STK3: variants seen among roughly 807,000 people sequenced by gnomAD.
STK3 encodes the protein serine/threonine-protein kinase 3.
Under a neutral mutation model 58.0 loss-of-function variants are expected in STK3, and 41 were observed. That is an observed-to-expected ratio of 0.71 (90% confidence interval 0.55 to 0.92). The LOEUF is 0.92. Ranked by LOEUF, STK3 falls within the 40% of genes least tolerant of loss-of-function variation. The pLI is 0.00. For synonymous variants in STK3, 170 were observed against 191.0 expected (o/e 0.89, Z 0.91); for missense variants, 479 against 602.7 (o/e 0.79, Z 2.15).
At chr8:98,937,679 T>C (rs1840245152) in intron 1 of STK3, among the ~76,000 whole-genome samples, 1 of 152,252 alleles carries the variant, frequency 6.6e-6, no homozygotes, top group South Asian at 2.1e-4. Context: ...AAAGGAATTG[T>C]ATGTGCCTTA....
intron 1 of STK3, among the ~76,000 whole-genome samples, chr8:98,933,937 G>T (rs1257574844): frequency 1.3e-5 from 2 of 152,214 alleles, no homozygotes; most frequent in Non-Finnish European, 2.9e-5. Flanking sequence ...AATTTTAAAT[G>T]GTAATTAAGT....
At chr8:98,716,152 G>A (rs962894483) in intron 4 of STK3, among the ~76,000 whole-genome samples, 4 of 152,242 alleles carry the variant, frequency 2.6e-5, no homozygotes, top group African/African-American at 9.6e-5. Flanking sequence ...GGGGAGTGGG[G>A]AGCGATAGCA....
At chr8:98,904,458 C>T in intron 1 of STK3, 1 of 361,084 alleles carries the variant, frequency 2.8e-6, no homozygotes, top group South Asian at 2.3e-5. Context: ...AGAAAGAAAA[C>T]ATAGTTGGTC....
At chr8:98,857,581 A>G (rs1836729569) in intron 3 of STK3, among the ~76,000 whole-genome samples, 1 of 152,244 alleles carries the variant, frequency 6.6e-6, no homozygotes, top group South Asian at 2.1e-4. Context: ...TTGTTTAGAG[A>G]AGTATGCTAG....
At chr8:98,628,122 A>G (rs561167863) in intron 6 of STK3, among the ~76,000 whole-genome samples, 1 of 152,340 alleles carries the variant, frequency 6.6e-6, no homozygotes, top group South Asian at 2.1e-4. Context: ...CAGTAATGCA[A>G]CAACTCTACA....
At chr8:98,443,560 A>G (rs1178045451) in intron 1 of STK3, among the ~76,000 whole-genome samples, 2 of 152,186 alleles carry the variant, frequency 1.3e-5, no homozygotes, top group East Asian at 3.9e-4. Flanking sequence ...AGGCTTCTTA[A>G]CCATAGGCTG....
chr8:98,618,600 A>G (rs1254267439), intron 6 of STK3, among the ~76,000 whole-genome samples: 1 of 146,982 alleles, frequency 6.8e-6, no homozygotes, highest in Non-Finnish European at 1.5e-5. Flanking sequence ...TAAGCTGATA[A>G]GCAACTTCAG....
chr8:98,809,820 A>T (rs376673852), intron 1 of STK3, among the ~76,000 whole-genome samples: 15 of 152,156 alleles, frequency 9.9e-5, no homozygotes, highest in South Asian at 4.1e-4. Context: ...ATATCTTGAG[A>T]CCCTGCTTTC....
intron 1 of STK3, among the ~76,000 whole-genome samples, chr8:98,816,223 A>G (rs1478590713): frequency 1.3e-5 from 2 of 152,228 alleles, no homozygotes; most frequent in African/African-American, 2.4e-5. Context: ...CTCATATCAA[A>G]ACTGCTTTTT....
At chr8:98,711,741 C>A (rs1587384654) in intron 4 of STK3, among the ~76,000 whole-genome samples, 1 of 152,168 alleles carries the variant, frequency 6.6e-6, no homozygotes, top group African/African-American at 2.4e-5. Context: ...CTTCCTCAAC[C>A]TACCAAGGCA....
downstream of STK3, among the ~76,000 whole-genome samples, chr8:98,366,563 T>G (rs1277583611): frequency 6.6e-6 from 1 of 152,238 alleles, no homozygotes; most frequent in African/African-American, 2.4e-5. Flanking sequence ...TGTTTTTGTT[T>G]TCCACATAGG....
At chr8:98,856,396 T>C (rs1469667057) in intron 3 of STK3, among the ~76,000 whole-genome samples, 1 of 151,636 alleles carries the variant, frequency 6.6e-6, no homozygotes, top group Non-Finnish European at 1.5e-5. Context: ...AGCAAATGTC[T>C]GAATAGATGT....
chr8:98,822,079 TA>T lies in STK3; in HGVS notation c.26+3435del, dbSNP rs1218402485. Reference sequence around the variant, plus strand: ...ACACACACACACATACACACACACATATATATGTAACATACTAAAAATATAA... The same window carrying T: ...ACACACACACACATACACACACACATTATATGTAACATACTAAAAATATAA... On this transcript the variant is annotated intron_variant, in intron 1 of 10. Transcript: ENST00000419617. Among the ~76,000 whole-genome samples the T allele has an allele frequency of 6.6e-5, 10 of 151,782 alleles. 1 individual carries two copies. The highest frequency in any genetic ancestry group is 2.2e-4 in the African/African-American group (9 of 41,426).
intron 6 of STK3, among the ~76,000 whole-genome samples, chr8:98,677,470 C>T (rs1823312228): frequency 6.6e-6 from 1 of 151,560 alleles, no homozygotes; most frequent in Admixed American, 6.6e-5. Context: ...GACCTCCAAT[C>T]TGATAACCTA....
intron 3 of STK3, among the ~76,000 whole-genome samples, chr8:98,425,125 G>T (rs1376170089): frequency 6.6e-6 from 1 of 152,208 alleles, no homozygotes; most frequent in African/African-American, 2.4e-5. Context: ...CAGCAAGGGT[G>T]GCACTCTCTC....
At chr8:98,795,104 ATATATAT>A (rs145316064) in intron 1 of STK3, among the ~76,000 whole-genome samples, 13 of 23,284 alleles carry the variant, frequency 5.6e-4, no homozygotes, top group South Asian at 3.5e-3. Context: ...AAAAAAAAAA[ATATATAT>A]ATATATATAT....
chr8:98,832,910 T>C (rs1359010817), intron 3 of STK3, among the ~76,000 whole-genome samples: 3 of 152,188 alleles, frequency 2.0e-5, no homozygotes, highest in Non-Finnish European at 4.4e-5. Context: ...TTTTATAAGA[T>C]GGTAGGAAAA....
intron 1 of STK3, among the ~76,000 whole-genome samples, chr8:98,449,508 G>A (rs1301930354): frequency 3.3e-5 from 5 of 152,098 alleles, no homozygotes; most frequent in Non-Finnish European, 5.9e-5. Flanking sequence ...ATATTTGTAA[G>A]GACCAAGAAC....
intron 3 of STK3, among the ~76,000 whole-genome samples, chr8:98,853,489 G>A (rs774976748): frequency 6.6e-5 from 10 of 152,112 alleles, no homozygotes; most frequent in South Asian, 2.1e-4. Context: ...ACACCTCCTC[G>A]TTCTTACTTT....
Sources: allele counts gnomAD v4.1 joint callset (sites outside exome capture counted in the v4.1 genomes callset), GRCh38; gene constraint gnomAD v4.1.1; transcripts MANE v1.5; gene names NCBI Gene and HGNC (gene_info 2026-07-23, HGNC 2026-07-21).